SLC4A7: variants seen among roughly 807,000 people sequenced by gnomAD.
The protein encoded by SLC4A7 is solute carrier family 4 member 7.
In SLC4A7, 51 loss-of-function variants were observed where a neutral mutation model predicts 137.6. The observed-to-expected ratio is 0.37, with a 90% CI of 0.30 to 0.47. The LOEUF (loss-of-function observed/expected upper bound fraction) is 0.47, where lower values mean the gene tolerates loss of function less well. Among genes scored for constraint, SLC4A7 ranks in the 20% least tolerant of loss-of-function variants. SLC4A7 has a pLI of 1.00. For missense variants in SLC4A7, 1,247 were observed against 1,525.4 expected (o/e 0.82, Z 3.04); for synonymous variants, 542 against 518.6 (o/e 1.05, Z -0.61).
chr3:27,456,808 C>T (rs2058439275), intron 1 of SLC4A7: 2 of 1,465,506 alleles, frequency 1.4e-6, no homozygotes, highest in East Asian at 2.4e-5. Flanking sequence ...TTCTAAGTTA[C>T]TTTTATGGTA....
At chr3:27,463,790 T>TC (rs2058828100) in intron 1 of SLC4A7, among the ~76,000 whole-genome samples, 1 of 152,198 alleles carries the variant, frequency 6.6e-6, no homozygotes, top group African/African-American at 2.4e-5. Context: ...ATTGGTGAGA[T>TC]GGGCAGCCTG....
rs1553696950 is a variant in SLC4A7 at position 27,424,166 on chromosome 3, C to A, written c.1151-14G>T. ...AGGCCAAAATACCTATGTTTAAAGA[C>A]AAATTCCAAATTAGTAAGGAGAAAA... On this transcript the variant is annotated splice_polypyrimidine_tract_variant and intron_variant, in intron 7 of 25. Transcript: ENST00000454389. 7.5e-7 allele frequency: 1 copy of A among 1,332,300 alleles called. No individual in the cohort carries two copies. Among genetic ancestry groups the A allele is most frequent in the Non-Finnish European group, 1.1e-6 (1 of 942,120 alleles). 82.5% of individuals were successfully genotyped at this position (1,332,300 alleles called of 1,614,324 possible).
intron 6 of SLC4A7, 21 bp from the exon 7 acceptor site, chr3:27,431,690 G>A (rs1386273105): frequency 7.3e-6 from 11 of 1,500,088 alleles, no homozygotes; most frequent in Admixed American, 2.3e-5. Context: ...ACAAATAAAT[G>A]AAAAATGATG....
chr3:27,409,008 A>AT (rs1479635791), intron 13 of SLC4A7, among the ~76,000 whole-genome samples: 1 of 152,186 alleles, frequency 6.6e-6, no homozygotes, highest in Non-Finnish European at 1.5e-5. Context: ...AGCCCCACTG[A>AT]TAAAAACCCC....
chr3:27,427,679 C>G (rs1246139405), intron 7 of SLC4A7, among the ~76,000 whole-genome samples: 1 of 152,090 alleles, frequency 6.6e-6, no homozygotes, highest in Non-Finnish European at 1.5e-5. Flanking sequence ...ATTAGAGTTT[C>G]TAGATGCTTT....
intron 1 of SLC4A7, among the ~76,000 whole-genome samples, chr3:27,470,308 GTTCT>G (rs1411783352): frequency 6.6e-6 from 1 of 151,644 alleles, no homozygotes; most frequent in Non-Finnish European, 1.5e-5. Flanking sequence ...TCTGTCGGCA[GTTCT>G]TTCTTCTCAT....
At chr3:27,432,597 C>T (rs1455022960) in intron 6 of SLC4A7, among the ~76,000 whole-genome samples, 1 of 152,160 alleles carries the variant, frequency 6.6e-6, no homozygotes, top group Non-Finnish European at 1.5e-5. Flanking sequence ...ATCAAAGTTA[C>T]ATGCTCAAGA....
At chr3:27,449,425 TTAC>T (rs1294983757) in intron 2 of SLC4A7, among the ~76,000 whole-genome samples, 2 of 150,458 alleles carry the variant, frequency 1.3e-5, no homozygotes, top group Non-Finnish European at 3.0e-5. Context: ...AAATATTTAT[TTAC>T]TAATTTTTGA....
chr3:27,403,066 A>G (rs1270494549), intron 15 of SLC4A7, 73 bp downstream of exon 15: 1 of 1,480,210 alleles, frequency 6.8e-7, no homozygotes, highest in Non-Finnish European at 9.1e-7. Context: ...ACTGCAAAAA[A>G]AATTCATTTT....
intron 7 of SLC4A7, among the ~76,000 whole-genome samples, chr3:27,427,683 A>G (rs2055788464): frequency 6.6e-6 from 1 of 152,110 alleles, no homozygotes; most frequent in Non-Finnish European, 1.5e-5. Context: ...GAGTTTCTAG[A>G]TGCTTTAAGC....
chr3:27,445,522 G>A (rs1355174057), intron 3 of SLC4A7, among the ~76,000 whole-genome samples: 1 of 151,954 alleles, frequency 6.6e-6, no homozygotes, highest in Non-Finnish European at 1.5e-5. Context: ...ATTTTATCTG[G>A]TTTTCCAGCT....
chr3:27,416,283 CTA>C (rs2054379617), intron 11 of SLC4A7, among the ~76,000 whole-genome samples: 1 of 152,142 alleles, frequency 6.6e-6, no homozygotes, highest in African/African-American at 2.4e-5. Flanking sequence ...CAGGTAGTAA[CTA>C]TGAAATTACA....
chr3:27,432,470 T>C (rs2056392896), intron 6 of SLC4A7, among the ~76,000 whole-genome samples: 1 of 152,214 alleles, frequency 6.6e-6, no homozygotes, highest in Admixed American at 6.5e-5. Flanking sequence ...CTAAAATATT[T>C]CAAAAGGTCA....
At chr3:27,479,309 G>C (rs1436939270) in intron 1 of SLC4A7, among the ~76,000 whole-genome samples, 1 of 152,008 alleles carries the variant, frequency 6.6e-6, no homozygotes, top group Non-Finnish European at 1.5e-5. Flanking sequence ...AGCTACTCAG[G>C]AGGCTGAGGT....
At chr3:27,397,566 A>G (rs1021632675) in intron 18 of SLC4A7, 118 bp downstream of exon 18, 5 of 640,548 alleles carry the variant, frequency 7.8e-6, no homozygotes, top group Non-Finnish European at 1.4e-5. Flanking sequence ...CTTTCAAAGC[A>G]TCAGCCCTTC....
chr3:27,457,488 G>A (rs148930462), intron 1 of SLC4A7, among the ~76,000 whole-genome samples: 25 of 152,220 alleles, frequency 1.6e-4, no homozygotes, highest in African/African-American at 5.8e-4. Context: ...CTGCTGGAAA[G>A]GGGAGGCATA....
intron 1 of SLC4A7, among the ~76,000 whole-genome samples, chr3:27,473,599 T>TC (rs765465933): frequency 4.1e-4 from 62 of 149,576 alleles, no homozygotes; most frequent in Non-Finnish European, 7.8e-4. Flanking sequence ...TCCCAGCTAC[T>TC]CGGGAGGCTG....
At chr3:27,392,707 G>C (rs1559645168) in intron 20 of SLC4A7, among the ~76,000 whole-genome samples, 1 of 151,732 alleles carries the variant, frequency 6.6e-6, no homozygotes, top group African/African-American at 2.4e-5. Flanking sequence ...CGTGCCTGTA[G>C]TCCCAGCTAC....
At chr3:27,427,788 T>G (rs2055805984) in intron 7 of SLC4A7, among the ~76,000 whole-genome samples, 1 of 152,198 alleles carries the variant, frequency 6.6e-6, no homozygotes, top group African/African-American at 2.4e-5. Context: ...ACTGTAATTC[T>G]TGTCTTTAGA....
Sources: allele counts gnomAD v4.1 joint callset (sites outside exome capture counted in the v4.1 genomes callset), GRCh38; gene constraint gnomAD v4.1.1; transcripts MANE v1.5; gene names NCBI Gene and HGNC (gene_info 2026-07-23, HGNC 2026-07-21).